The following TTK variants were observed in gnomAD, a reference collection of about 807,000 sequenced individuals.
TTK encodes the protein TTK protein kinase.
In TTK, 59 loss-of-function variants were observed where a neutral mutation model predicts 117.3. The ratio of observed to expected loss-of-function variants is 0.50; its 90% CI spans 0.41 to 0.62. The LOEUF (loss-of-function observed/expected upper bound fraction) is 0.62, where lower values mean the gene tolerates loss of function less well. Among genes scored for constraint, TTK ranks in the 20% least tolerant of loss-of-function variants. The probability of loss-of-function intolerance (pLI) is 0.00; values close to 1 mark genes in which losing one functional copy is unlikely to be tolerated. For synonymous variants in TTK, 302 were observed against 325.0 expected, an observed-to-expected ratio of 0.93 and a Z score of 0.76; for missense variants, 921 against 989.4, an observed-to-expected ratio of 0.93 and a Z score of 0.93.
intron 4 of TTK, among the ~76,000 whole-genome samples, chr6:80,008,929 CTG>C (rs3049166): frequency 0.21 from 30,019 of 142,204 alleles, 3,077 homozygotes; most frequent in South Asian, 0.29. Flanking sequence ...AACTATATAT[CTG>C]TGTGTGTGTG....
intron 2 of TTK, among the ~76,000 whole-genome samples, chr6:80,006,796 T>C (rs907901008): frequency 3.3e-5 from 5 of 152,086 alleles, no homozygotes; most frequent in African/African-American, 1.2e-4. Context: ...GAGGTAAAAA[T>C]AGAAAATTAA....
At chr6:80,022,255 C>G in intron 10 of TTK, 69 bp from the exon 11 acceptor site, 1 of 1,488,272 alleles carries the variant, frequency 6.7e-7, no homozygotes, top group Non-Finnish European at 9.1e-7. Context: ...GTAATATGTT[C>G]TGTTGTTTAG....
chr6:80,040,466 T>C, intron 20 of TTK, 140 bp from the exon 21 acceptor site: 1 of 893,422 alleles, frequency 1.1e-6, no homozygotes, highest in Admixed American at 3.4e-5. Context: ...CTGGTATTTA[T>C]TTTTACTTAT....
At chr6:80,019,457 C>G (rs572204848) in intron 10 of TTK, among the ~76,000 whole-genome samples, 4 of 152,274 alleles carry the variant, frequency 2.6e-5, no homozygotes, top group Admixed American at 2.6e-4. Context: ...TCATAAGCAT[C>G]AATTATTTAA....
At chr6:80,021,229 G>A (rs1245306450) in intron 10 of TTK, among the ~76,000 whole-genome samples, 5 of 152,216 alleles carry the variant, frequency 3.3e-5, no homozygotes, top group Non-Finnish European at 7.3e-5. Flanking sequence ...AGACAAGGGT[G>A]GTCTCCCTAG....
intron 14 of TTK, 105 bp from the exon 15 acceptor site, chr6:80,034,880 A>G (rs919663594): frequency 3.9e-6 from 4 of 1,015,988 alleles, no homozygotes; most frequent in Admixed American, 3.4e-5. Flanking sequence ...TCATGTCAGT[A>G]TTTCCTTTAG....
At chr6:80,031,942 G>T (rs896510511) in intron 14 of TTK, among the ~76,000 whole-genome samples, 1 of 152,088 alleles carries the variant, frequency 6.6e-6, no homozygotes, top group Admixed American at 6.6e-5. Context: ...TTTACTAATG[G>T]ATTTTGTTTT....
intron 2 of TTK, 138 bp downstream of exon 2, chr6:80,006,120 A>G: frequency 8.1e-7 from 1 of 1,228,038 alleles, no homozygotes; most frequent in Non-Finnish European, 1.2e-6. Context: ...AGGCTACATG[A>G]TGGCAGGGTT....
chr6:80,015,203 G>A (rs983510302), intron 10 of TTK, among the ~76,000 whole-genome samples: 3 of 151,994 alleles, frequency 2.0e-5, no homozygotes, highest in African/African-American at 4.8e-5. Flanking sequence ...AAATAATAGA[G>A]TATTTCAGAT....
intron 10 of TTK, among the ~76,000 whole-genome samples, chr6:80,017,318 C>A (rs1767334632): frequency 6.6e-6 from 1 of 152,142 alleles, no homozygotes; most frequent in South Asian, 2.1e-4. Context: ...TGCTCTGTCA[C>A]CCAGATTGCA....
At chr6:80,008,338 G>C in intron 3 of TTK, 48 bp from the exon 4 acceptor site, 1 of 1,544,954 alleles carries the variant, frequency 6.5e-7, no homozygotes. Context: ...TCAAATTTAA[G>C]TAGCTATGTT....
At chr6:80,036,745 T>C (rs1767916660) in intron 17 of TTK, 146 bp downstream of exon 17, 20 of 901,782 alleles carry the variant, frequency 2.2e-5, no homozygotes, top group Non-Finnish European at 3.1e-5. Context: ...TTTAAAAATA[T>C]AAACCATGAT....
chr6:80,022,609 T>A (rs1364003076), intron 11 of TTK, 137 bp downstream of exon 11: 1 of 1,038,836 alleles, frequency 9.6e-7, no homozygotes, highest in Non-Finnish European at 1.3e-6. Context: ...GTTTTTAAAA[T>A]CATTTATAAA....
chr6:80,021,112 T>C (rs897901957), intron 10 of TTK, among the ~76,000 whole-genome samples: 24 of 152,216 alleles, frequency 1.6e-4, no homozygotes, highest in African/African-American at 5.8e-4. Flanking sequence ...CTCTGGTTAA[T>C]TTATCCAACC....
intron 10 of TTK, among the ~76,000 whole-genome samples, chr6:80,020,566 T>A (rs1349440273): frequency 6.6e-6 from 1 of 152,208 alleles, no homozygotes; most frequent in East Asian, 1.9e-4. Flanking sequence ...GAGCTCTGAA[T>A]TTTTCTTACT....
At chr6:80,015,663 G>T (rs992650516) in intron 10 of TTK, among the ~76,000 whole-genome samples, 3 of 152,120 alleles carry the variant, frequency 2.0e-5, no homozygotes, top group Non-Finnish European at 4.4e-5. Flanking sequence ...GGCATCTATT[G>T]TAACTGGTAT....
At position 80,036,604 on chromosome 6, in the gene TTK, G is replaced by A. The variant is rs375962730; in HGVS notation, c.2049+5G>A. 1.5e-4 allele frequency: 239 copies of A among 1,602,968 alleles called. No homozygotes were observed. Among genetic ancestry groups the A allele is most frequent in the Non-Finnish European group, 3.9e-5 (46 of 1,175,482 alleles). Reference sequence around the variant, plus strand: ...AGTGTTGTTAAAGATTCTCAGGTAAGACTTAATGTTGGTTCTCTCACAGTA... The same window carrying A: ...AGTGTTGTTAAAGATTCTCAGGTAAAACTTAATGTTGGTTCTCTCACAGTA... On this transcript the variant is annotated splice_donor_5th_base_variant and intron_variant, in intron 17 of 21. Transcript: ENST00000369798.
Position 80,035,323 on chromosome 6 carries a change from T to C in TTK, c.1830T>C (p.Asn610=). 6.2e-7 allele frequency: 1 copy of C among 1,612,530 alleles called. No individual in the cohort carries two copies. The highest frequency in any genetic ancestry group is 8.5e-7 in the Non-Finnish European group (1 of 1,179,230). ...MVMECGNIDL[N]SWLKKKKSID... ...TGGAGTGTGGAAATATTGATCTTAA[T>C]AGTTGGCTTAAAAAGAAAAAATCCA... The change falls in exon 16 of 22, where the codon AAT becomes AAC. Residue 610 remains asparagine (N), a synonymous_variant. Transcript: ENST00000369798.
chr6:80,018,480 C>T (rs1046788920), intron 10 of TTK, among the ~76,000 whole-genome samples: 2 of 151,292 alleles, frequency 1.3e-5, no homozygotes, highest in East Asian at 2.0e-4. Context: ...AAAAATTAGC[C>T]GGGTGTGGTG....
Sources: gnomAD v4.1 joint callset for allele counts (sites outside exome capture counted in the v4.1 genomes callset) on GRCh38, gnomAD v4.1.1 for gene constraint, MANE v1.5 for transcripts, NCBI Gene and HGNC (gene_info 2026-07-23, HGNC 2026-07-21) for gene names.